PYY: variants seen among roughly 807,000 people sequenced by gnomAD.
The protein encoded by PYY is peptide tyrosine tyrosine.
PYY carries 12 observed loss-of-function variants against 10.3 expected under a neutral mutation model. The observed-to-expected ratio is 1.17, with a 90% CI of 0.75 to 1.89. PYY has a LOEUF of 1.89. Ranked by LOEUF, PYY falls within the 40% of genes most tolerant of loss-of-function variation. The pLI, the probability that PYY is intolerant of heterozygous loss-of-function variation, is 0.00. For synonymous variants in PYY, 66 were observed against 62.0 expected, an observed-to-expected ratio of 1.06 and a Z score of -0.30; for missense variants, 141 against 134.0, an observed-to-expected ratio of 1.05 and a Z score of -0.26.
upstream of PYY, among the ~76,000 whole-genome samples, chr17:43,954,933 T>A (rs1397301540): frequency 6.6e-6 from 1 of 152,200 alleles, no homozygotes; most frequent in African/African-American, 2.4e-5. Flanking sequence ...ATTTTCCAGA[T>A]GAGGAAACTG....
At chr17:43,960,545 A>AAC (rs902749937) in intron 2 of PYY, among the ~76,000 whole-genome samples, 8 of 149,534 alleles carry the variant, frequency 5.3e-5, no homozygotes, top group South Asian at 4.3e-4. Flanking sequence ...AAAAAAAAAA[A>AAC]AAAAAAAAAA....
At chr17:43,974,861 C>G (rs780199396) in intron 1 of PYY, among the ~76,000 whole-genome samples, 17 of 151,996 alleles carry the variant, frequency 1.1e-4, no homozygotes, top group Non-Finnish European at 1.9e-4. Flanking sequence ...TATTTTTCTA[C>G]AGCAGACATA....
chr17:43,997,629 G>A (rs1368130989), intron 1 of PYY, among the ~76,000 whole-genome samples: 1 of 152,116 alleles, frequency 6.6e-6, no homozygotes, highest in Non-Finnish European at 1.5e-5. Flanking sequence ...CAGAACAGAG[G>A]AATGACACCA....
chr17:43,999,997 C>T (rs1278557100), intron 1 of PYY, among the ~76,000 whole-genome samples: 1 of 152,032 alleles, frequency 6.6e-6, no homozygotes, highest in Non-Finnish European at 1.5e-5. Flanking sequence ...CCTATGTTTT[C>T]CGAGAGCTTC....
chr17:43,983,114 C>T (rs2143941202), intron 1 of PYY, among the ~76,000 whole-genome samples: 1 of 152,254 alleles, frequency 6.6e-6, no homozygotes, highest in Middle Eastern at 3.4e-3. Flanking sequence ...CGCTTGTAAT[C>T]CCAGCTACTT....
intron 2 of PYY, among the ~76,000 whole-genome samples, chr17:43,963,648 CAG>C (rs2048734979): frequency 1.4e-5 from 2 of 141,290 alleles, no homozygotes; most frequent in African/African-American, 2.7e-5. Flanking sequence ...AAAGAGAGAA[CAG>C]AGAGAAAAGA....
At chr17:44,000,339 CCT>C (rs917590846) in intron 1 of PYY, among the ~76,000 whole-genome samples, 9 of 152,106 alleles carry the variant, frequency 5.9e-5, no homozygotes, top group Non-Finnish European at 1.3e-4. Context: ...GGAGGACTGC[CCT>C]GTGTCTGCCT....
chr17:43,970,505 T>TAAAA (rs74436025), intron 1 of PYY, among the ~76,000 whole-genome samples: 1 of 132,606 alleles, frequency 7.5e-6, no homozygotes, highest in Admixed American at 7.6e-5. Context: ...AGACCCTGTC[T>TAAAA]AAAAAAAAAA....
At chr17:43,968,876 G>A (rs986147481) in intron 1 of PYY, among the ~76,000 whole-genome samples, 6 of 152,024 alleles carry the variant, frequency 3.9e-5, no homozygotes, top group Non-Finnish European at 8.8e-5. Flanking sequence ...GGGAGGCCAA[G>A]GCGGGTGGAT....
chr17:43,981,204 T>C (rs545619493), intron 1 of PYY, among the ~76,000 whole-genome samples: 2 of 152,276 alleles, frequency 1.3e-5, no homozygotes, highest in South Asian at 2.1e-4. Flanking sequence ...TTGGTGAACA[T>C]ATATACACAC....
At chr17:43,965,816 A>AAAAG (rs1555617405) in intron 2 of PYY, among the ~76,000 whole-genome samples, 4 of 142,720 alleles carry the variant, frequency 2.8e-5, no homozygotes, top group East Asian at 1.9e-4. Context: ...AAAAAAAAAA[A>AAAAG]AGAGAGAGAA....
chr17:44,001,617 C>G (rs1161304632), intron 1 of PYY, among the ~76,000 whole-genome samples: 3 of 152,164 alleles, frequency 2.0e-5, no homozygotes, highest in African/African-American at 7.2e-5. Flanking sequence ...ATCTCTGGGC[C>G]CCATTGGCTG....
intron 1 of PYY, among the ~76,000 whole-genome samples, chr17:43,985,954 T>C (rs2048913211): frequency 6.6e-6 from 1 of 152,084 alleles, no homozygotes; most frequent in Admixed American, 6.6e-5. Flanking sequence ...TCTGTAGAGG[T>C]ATTCTATATA....
At chr17:43,965,789 C>CAAAAAAAAAAAAAAAAAAAAAAAAAAA in intron 2 of PYY, among the ~76,000 whole-genome samples, 1 of 31,932 alleles carries the variant, frequency 3.1e-5, no homozygotes, top group Non-Finnish European at 5.6e-5. Context: ...ATCCATCTCA[C>CAAAAAAAAAAAAAAAAAAAAAAAAAAA]AAAAAAAAAA....
Position 43,953,280 on chromosome 17 carries a change from C to G in PYY, c.188+16G>C, listed in dbSNP as rs1477298911. 1.2e-6 allele frequency: 2 copies of G among 1,608,490 alleles called. No individual in the cohort carries two copies. On this transcript the variant is annotated intron_variant, in intron 2 of 3. Coordinates refer to ENST00000692052, the MANE Select transcript of PYY (RefSeq NM_001394028.1). ...GGGTGAGAGCCCCAGGGGTCCCGCT[C>G]CGCGCCTGCGCTCACCGCTGCCGGG...
At chr17:43,996,736 G>A (rs2048994619) in intron 1 of PYY, among the ~76,000 whole-genome samples, 1 of 152,166 alleles carries the variant, frequency 6.6e-6, no homozygotes, top group Non-Finnish European at 1.5e-5. Flanking sequence ...TGCCCAAGCT[G>A]GAGTGCAGTG....
chr17:43,974,701 A>G (rs1342500471), intron 1 of PYY, among the ~76,000 whole-genome samples: 1 of 152,154 alleles, frequency 6.6e-6, no homozygotes, highest in Non-Finnish European at 1.5e-5. Flanking sequence ...CAGTGTGAAC[A>G]GTGGAGTTAT....
At chr17:43,977,708 G>A (rs1034788891) in intron 1 of PYY, among the ~76,000 whole-genome samples, 2 of 152,216 alleles carry the variant, frequency 1.3e-5, no homozygotes, top group East Asian at 3.9e-4. Flanking sequence ...TGCCACAGGG[G>A]TCTTCCCACT....
intron 1 of PYY, among the ~76,000 whole-genome samples, chr17:43,966,973 A>G (rs1055138032): frequency 2.0e-5 from 3 of 152,178 alleles, no homozygotes; most frequent in Admixed American, 6.6e-5. Context: ...ACAGAAGGCT[A>G]TTCCTATCCC....
Sources: allele counts gnomAD v4.1 joint callset (sites outside exome capture counted in the v4.1 genomes callset), GRCh38; gene constraint gnomAD v4.1.1; transcripts MANE v1.5; gene names NCBI Gene and HGNC (gene_info 2026-07-23, HGNC 2026-07-21).